ANKRD11: variants seen among roughly 807,000 people sequenced by gnomAD.
ANKRD11 encodes the protein ankyrin repeat domain-containing protein 11.
ANKRD11 carries 17 observed loss-of-function variants against 195.7 expected under a neutral mutation model. The ratio of observed to expected loss-of-function variants is 0.09; its 90% CI spans 0.06 to 0.13. The LOEUF is 0.13. ANKRD11 is among the 10% of genes least tolerant of loss of function. The probability of loss-of-function intolerance (pLI) is 1.00; values close to 1 mark genes in which losing one functional copy is unlikely to be tolerated. For synonymous variants in ANKRD11, 1,953 were observed against 1,528.1 expected (o/e 1.28, Z -6.49); for missense variants, 3,735 against 3,566.1 (o/e 1.05, Z -1.21).
rs1555595181 is a variant in ANKRD11 at position 89,464,607 on chromosome 16, T to TG, written c.-145+25637_-145+25638insC. ...TGGGCGACAGAGTGAGACTCCATCTTAAAAAAAAAAAAAAAAGAAAAGAAA... is the reference window on the plus strand; with the variant it reads ...TGGGCGACAGAGTGAGACTCCATCTTGAAAAAAAAAAAAAAAAGAAAAGAAA... On this transcript the variant is annotated intron_variant, in intron 1 of 12. Coordinates refer to ENST00000301030, the MANE Select transcript of ANKRD11 (RefSeq NM_013275.6). Among the ~76,000 whole-genome samples, 4 of 116,406 alleles carry TG rather than the reference T, an allele frequency of 3.4e-5. No homozygotes were observed. The East Asian group carries it at 9.3e-4, about 27-fold the overall frequency. The allele number at this position is 116,406 out of a possible 152,430, so 76.4% of individuals were successfully genotyped here.
intron 1 of ANKRD11, among the ~76,000 whole-genome samples, chr16:89,438,264 A>G (rs2043299171): frequency 6.6e-6 from 1 of 152,238 alleles, no homozygotes; most frequent in Non-Finnish European, 1.5e-5. Context: ...TGCAAAGGGC[A>G]AAAGTACAAA....
intron 1 of ANKRD11, among the ~76,000 whole-genome samples, chr16:89,467,428 TAA>T (rs1193227136): frequency 6.6e-6 from 1 of 152,178 alleles, no homozygotes; most frequent in Non-Finnish European, 1.5e-5. Flanking sequence ...GACCACAGAG[TAA>T]GACCTTGTCT....
intron 1 of ANKRD11, 175 bp from the exon 2 acceptor site, chr16:89,418,543 T>C (rs2042390147): frequency 8.0e-6 from 2 of 248,836 alleles, no homozygotes; most frequent in Admixed American, 9.9e-5. Context: ...ACTTCATTCA[T>C]CAAATACCTT....
intron 1 of ANKRD11, among the ~76,000 whole-genome samples, chr16:89,451,299 G>T (rs909829637): frequency 6.6e-6 from 1 of 152,072 alleles, no homozygotes; most frequent in Non-Finnish European, 1.5e-5. Flanking sequence ...ACAGATAGTA[G>T]ATTAGTGGCT....
rs547276156 is a variant in ANKRD11 at position 89,441,510 on chromosome 16, G to A, written c.-144-23142C>T. 1.3e-4 allele frequency among the ~76,000 whole-genome samples: 20 copies of A among 152,182 alleles called. No individual in the cohort carries two copies. In the East Asian group the frequency reaches 2.7e-3, roughly 21 times the overall value. On this transcript the variant is annotated intron_variant, in intron 1 of 12. Coordinates refer to ENST00000301030, the MANE Select transcript of ANKRD11 (RefSeq NM_013275.6). ...TGGCCGGGCGCGGTGGCTCACGCCT[G>A]TAATCCCAGCACTTTGGGAGGCCAA...
At chr16:89,444,586 C>T (rs747019577) in intron 1 of ANKRD11, among the ~76,000 whole-genome samples, 2 of 152,230 alleles carry the variant, frequency 1.3e-5, no homozygotes, top group East Asian at 1.9e-4. Context: ...TGTTTCTTCT[C>T]CAAAAGCAAG....
intron 1 of ANKRD11, among the ~76,000 whole-genome samples, chr16:89,473,336 G>A (rs1439471025): frequency 6.6e-6 from 1 of 152,206 alleles, no homozygotes; most frequent in African/African-American, 2.4e-5. Flanking sequence ...TCTGCCTAGA[G>A]AATAGAGGTG....
rs555550282 is a variant in ANKRD11, at chr16:89,391,770, C to T, written c.-60+26514G>A. ...GTTCCTCTTCAAAGACTTTCCTCCC[C>T]ATCTAACTAAAAATAAATAGTAACT... On this transcript the variant is annotated intron_variant, in intron 2 of 12. Transcript: ENST00000301030. 4.6e-5 allele frequency among the ~76,000 whole-genome samples: 7 copies of T among 152,258 alleles called. No homozygotes were observed. In the East Asian group the frequency reaches 1.3e-3, roughly 29 times the overall value.
Position 89,281,133 on chromosome 16 carries a change from G to C in ANKRD11, c.5409C>G (p.Phe1803Leu), listed in dbSNP as rs748247992. ...GCCTGAAGAGCTTGTCTCCGACGCTGAATTCTTCCTCGGGGGTCCTCCTAA... is the reference window on the plus strand; with the variant it reads ...GCCTGAAGAGCTTGTCTCCGACGCTCAATTCTTCCTCGGGGGTCCTCCTAA... ...VDIRRTPEEE[F>L]SVGDKLFRQQ... The change falls in exon 9 of 13, where the codon TTC (phenylalanine) becomes TTG (leucine). Residue 1803 changes from phenylalanine to leucine, a missense_variant. By Grantham distance (22) the Phe-to-Leu change is conservative. Transcript: ENST00000301030. The surrounding 1 kb of genome is among the most constrained non-coding windows in gnomAD (Gnocchi z 5.5). 3 of 1,613,216 alleles carry C rather than the reference G, an allele frequency of 1.9e-6. No homozygotes were observed. The highest frequency in any genetic ancestry group is 4.5e-5 in the East Asian group (2 of 44,862).
intron 2 of ANKRD11, among the ~76,000 whole-genome samples, chr16:89,349,614 AAACCTCT>A (rs376551448): frequency 1.2e-4 from 18 of 152,356 alleles, no homozygotes; most frequent in African/African-American, 4.1e-4. Flanking sequence ...CAAAAAACAA[AAACCTCT>A]AACCTTACCT....
chr16:89,451,411 CTTTTTTTTT>C (rs66712285), intron 1 of ANKRD11, among the ~76,000 whole-genome samples: 2 of 130,198 alleles, frequency 1.5e-5, no homozygotes, highest in African/African-American at 2.9e-5. Context: ...TCACAAATTA[CTTTTTTTTT>C]TTTTTTTTTG....
At chr16:89,417,017 G>T (rs985175831) in intron 2 of ANKRD11, among the ~76,000 whole-genome samples, 3 of 152,030 alleles carry the variant, frequency 2.0e-5, no homozygotes, top group Admixed American at 6.6e-5. Context: ...CCACTACCCA[G>T]GCTGGCTTCA....
Position 89,424,604 on chromosome 16 carries a change from G to A in ANKRD11, c.-144-6236C>T, listed in dbSNP as rs902605546. 1.2e-4 allele frequency among the ~76,000 whole-genome samples: 18 copies of A among 152,066 alleles called. No individual in the cohort carries two copies. In the East Asian group the frequency reaches 1.7e-3, roughly 15 times the overall value. ...AGACCACTCAGCAACAAAACAGAGCGAACATTACGCTGAGCAAAAAGGCCA... is the reference window on the plus strand; with the variant it reads ...AGACCACTCAGCAACAAAACAGAGCAAACATTACGCTGAGCAAAAAGGCCA... On this transcript the variant is annotated intron_variant, in intron 1 of 12. Coordinates refer to ENST00000301030, the MANE Select transcript of ANKRD11 (RefSeq NM_013275.6).
chr16:89,484,602 C>T (rs1199603733), intron 1 of ANKRD11, among the ~76,000 whole-genome samples: 1 of 152,158 alleles, frequency 6.6e-6, no homozygotes, highest in Non-Finnish European at 1.5e-5. Flanking sequence ...AACTTACTAT[C>T]AATGCACCAA....
intron 4 of ANKRD11, chr16:89,301,604 G>A: frequency 2.5e-6 from 1 of 398,780 alleles, no homozygotes; most frequent in Non-Finnish European, 4.4e-6. Flanking sequence ...CCTTACAGAG[G>A]CCTGGTCCTA....
At chr16:89,405,606 T>C (rs1319770504) in intron 2 of ANKRD11, among the ~76,000 whole-genome samples, 6 of 151,670 alleles carry the variant, frequency 4.0e-5, no homozygotes, top group Non-Finnish European at 5.9e-5. Flanking sequence ...AGTGCTGGGA[T>C]TACAGGCCTG....
intron 2 of ANKRD11, among the ~76,000 whole-genome samples, chr16:89,371,512 G>GCACC (rs146765758): frequency 0.029 from 4,458 of 152,294 alleles, 142 homozygotes; most frequent in African/African-American, 0.075. Context: ...TGTAGTCTGT[G>GCACC]CACCACCCAC....
At chr16:89,464,616 A>AG (rs1342997984) in intron 1 of ANKRD11, among the ~76,000 whole-genome samples, 1 of 151,558 alleles carries the variant, frequency 6.6e-6, no homozygotes, top group Non-Finnish European at 1.5e-5. Flanking sequence ...TTAAAAAAAA[A>AG]AAAAAAAGAA....
intron 1 of ANKRD11, among the ~76,000 whole-genome samples, chr16:89,433,236 C>T (rs1022933026): frequency 1.3e-5 from 2 of 152,128 alleles, no homozygotes; most frequent in Non-Finnish European, 2.9e-5. Flanking sequence ...ATGACAAGGC[C>T]CAGTTGAGTG....
Sources: allele counts gnomAD v4.1 joint callset (sites outside exome capture counted in the v4.1 genomes callset), GRCh38; gene constraint gnomAD v4.1.1; non-coding constraint Gnocchi (gnomAD v3.1); transcripts MANE v1.5; gene names NCBI Gene and HGNC (gene_info 2026-07-23, HGNC 2026-07-21).